NEBL: variants seen among roughly 807,000 people sequenced by gnomAD.
NEBL encodes nebulette.
A neutral mutation model predicts 140.2 loss-of-function variants in NEBL; 122 were observed. The observed-to-expected ratio is 0.87, with a 90% CI of 0.75 to 1.01. NEBL has a LOEUF of 1.01. NEBL is among the 50% of genes least tolerant of loss of function. NEBL has a pLI of 0.00. For missense variants in NEBL, 1,365 were observed against 1,231.3 expected, an observed-to-expected ratio of 1.11 and a Z score of -1.62; for synonymous variants, 436 against 398.9, an observed-to-expected ratio of 1.09 and a Z score of -1.11.
At chr10:21,270,280 A>G (rs1842846278) in intron 1 of NEBL, among the ~76,000 whole-genome samples, 1 of 152,222 alleles carries the variant, frequency 6.6e-6, no homozygotes, top group Non-Finnish European at 1.5e-5. Context: ...AGCATCTTCA[A>G]TTAAGCTGCA....
intron 2 of NEBL, chr10:21,112,749 A>AAAAAG (rs986599017): frequency 1.3e-5 from 2 of 159,350 alleles, no homozygotes; most frequent in African/African-American, 4.8e-5. Context: ...AATAAAAAAA[A>AAAAAG]AAAAAGAAAA....
chr10:21,291,640 C>T (rs903352915), intron 1 of NEBL, among the ~76,000 whole-genome samples: 2 of 152,016 alleles, frequency 1.3e-5, no homozygotes, highest in East Asian at 3.9e-4. Context: ...CCAGACCAGG[C>T]GCAGTGGCTC....
At chr10:20,910,588 G>C (rs949964600) in intron 4 of NEBL, among the ~76,000 whole-genome samples, 2 of 152,084 alleles carry the variant, frequency 1.3e-5, no homozygotes, top group Non-Finnish European at 2.9e-5. Flanking sequence ...GCATTGGAAG[G>C]GCCACATTTG....
chr10:20,804,491 G>A (rs1837427714), intron 26 of NEBL: 1 of 152,104 alleles, frequency 6.6e-6, no homozygotes, highest in South Asian at 2.1e-4. Context: ...TTCAACATTA[G>A]CAGAAACTAA....
chr10:20,867,382 G>C (rs1844404623), intron 7 of NEBL, among the ~76,000 whole-genome samples: 1 of 152,050 alleles, frequency 6.6e-6, no homozygotes, highest in African/African-American at 2.4e-5. Context: ...TCTCCACTTT[G>C]AAATGTAATT....
intron 2 of NEBL, among the ~76,000 whole-genome samples, chr10:21,170,029 C>T (rs1211100981): frequency 3.9e-5 from 6 of 152,164 alleles, no homozygotes; most frequent in Non-Finnish European, 2.9e-5. Context: ...CAAAATAGCT[C>T]TTCCCAACTC....
intron 4 of NEBL, among the ~76,000 whole-genome samples, chr10:20,945,131 C>T (rs753202564): frequency 4.6e-5 from 7 of 152,216 alleles, no homozygotes; most frequent in Admixed American, 2.0e-4. Context: ...CATTCCTGTA[C>T]GTGCAGTTTC....
chr10:21,291,435 G>T (rs1186116387), intron 1 of NEBL, among the ~76,000 whole-genome samples: 1 of 151,488 alleles, frequency 6.6e-6, no homozygotes, highest in Non-Finnish European at 1.5e-5. Flanking sequence ...GAACCCAGGA[G>T]GCAGGAGTTG....
rs1838623591 is a variant in NEBL at position 21,122,420 on chromosome 10, C to T, written c.164+49963G>A. Among the ~76,000 whole-genome samples the T allele has an allele frequency of 2.0e-5, 3 of 152,122 alleles. No homozygotes were observed. In the South Asian group the frequency reaches 6.2e-4, roughly 32 times the overall value. ...CCATCTGTGTCTTCCATGGAAGTGA[C>T]CTGAGAGTCTCACTTCATTTCCTTC... On this transcript the variant is annotated intron_variant, in intron 2 of 6. Transcript: ENST00000417816.
chr10:21,114,431 T>C (rs1038423003), intron 2 of NEBL, among the ~76,000 whole-genome samples: 2 of 152,084 alleles, frequency 1.3e-5, no homozygotes, highest in Admixed American at 6.6e-5. Flanking sequence ...TAAATGTCAA[T>C]TTGATCATGT....
intron 4 of NEBL, among the ~76,000 whole-genome samples, chr10:20,905,976 T>C (rs1432335068): frequency 6.6e-6 from 1 of 152,192 alleles, no homozygotes; most frequent in Non-Finnish European, 1.5e-5. Context: ...CTCTATTCCC[T>C]TTATGTGCCT....
intron 2 of NEBL, among the ~76,000 whole-genome samples, chr10:21,116,767 T>C (rs1838303024): frequency 3.3e-5 from 5 of 152,046 alleles, no homozygotes; most frequent in Admixed American, 3.3e-4. Context: ...ACTCCTGGAT[T>C]TAAGCAATCC....
intron 4 of NEBL, among the ~76,000 whole-genome samples, chr10:20,961,485 G>A (rs757575974): frequency 2.6e-5 from 4 of 152,026 alleles, no homozygotes; most frequent in Non-Finnish European, 5.9e-5. Flanking sequence ...ACTAAGCACC[G>A]GGTCCTAGAT....
At position 20,868,835 on chromosome 10, in the gene NEBL, A is replaced by C. The variant is rs1588883235; in HGVS notation, c.583-70T>G. 2.1e-4 allele frequency: 1 copy of C among 4,710 alleles called. No individual in the cohort carries two copies. The allele number at this position is 4,710 out of a possible 1,614,324, so 0.3% of individuals were successfully genotyped here. A position where few individuals can be genotyped will look rare whatever the true frequency, so the allele number is the denominator to read the frequency against. ...ATGATGAACTACATTGACATTAGCC[A>C]AAAAAAAAAAAAATAACAGACCTTC... On this transcript the variant is annotated intron_variant, in intron 6 of 27. Coordinates refer to ENST00000377122, the MANE Select transcript of NEBL (RefSeq NM_006393.3).
At chr10:21,275,559 C>G (rs12218389) in intron 1 of NEBL, among the ~76,000 whole-genome samples, 1 of 151,996 alleles carries the variant, frequency 6.6e-6, no homozygotes, top group Admixed American at 6.6e-5. Context: ...GAGATCACCT[C>G]TGCAAAACCT....
chr10:21,234,663 A>AT (rs1842325255), intron 3 of NEBL, among the ~76,000 whole-genome samples: 1 of 152,084 alleles, frequency 6.6e-6, no homozygotes. Flanking sequence ...TCCAGCCCAC[A>AT]CTGCTATCCA....
At chr10:21,122,229 T>C (rs1474577028) in intron 2 of NEBL, among the ~76,000 whole-genome samples, 1 of 152,146 alleles carries the variant, frequency 6.6e-6, no homozygotes, top group Non-Finnish European at 1.5e-5. Flanking sequence ...TTTCACCATG[T>C]TGGCCAGGCT....
chr10:20,835,679 G>A (rs1344190176), intron 13 of NEBL, 56 bp from the exon 14 acceptor site: 4 of 1,182,720 alleles, frequency 3.4e-6, no homozygotes, highest in African/African-American at 1.5e-5. Flanking sequence ...ACATGCATCT[G>A]CAGTCAATGA....
At chr10:20,820,330 A>G (rs554915650) in intron 19 of NEBL, among the ~76,000 whole-genome samples, 1 of 152,144 alleles carries the variant, frequency 6.6e-6, no homozygotes, top group African/African-American at 2.4e-5. Flanking sequence ...ATTCCACAAC[A>G]CCTCCCAAAA....
Sources: gnomAD v4.1 joint callset for allele counts (sites outside exome capture counted in the v4.1 genomes callset) on GRCh38, gnomAD v4.1.1 for gene constraint, MANE v1.5 for transcripts, NCBI Gene and HGNC (gene_info 2026-07-23, HGNC 2026-07-21) for gene names.